CYBRD1: variants seen among roughly 807,000 people sequenced by gnomAD.
CYBRD1 encodes the protein cytochrome b reductase 1, also known as plasma membrane ascorbate-dependent reductase CYBRD1.
CYBRD1 carries 14 observed loss-of-function variants against 21.9 expected under a neutral mutation model. That is an observed-to-expected ratio of 0.64 (90% confidence interval 0.42 to 1.00). CYBRD1 has a LOEUF of 1.00. CYBRD1 is among the 50% of genes least tolerant of loss of function. CYBRD1 has a pLI of 0.00. For synonymous variants in CYBRD1, 146 were observed against 136.5 expected, an observed-to-expected ratio of 1.07 and a Z score of -0.48; for missense variants, 328 against 352.5, an observed-to-expected ratio of 0.93 and a Z score of 0.56.
chr2:171,539,039 C>G (rs1162634938), intron 1 of CYBRD1, among the ~76,000 whole-genome samples: 2 of 152,098 alleles, frequency 1.3e-5, no homozygotes, highest in Non-Finnish European at 2.9e-5. Flanking sequence ...CTCAGGTGAT[C>G]CACCTGCCTT....
chr2:171,555,757 AC>A lies in CYBRD1; in HGVS notation c.*931del, dbSNP rs2105349602. On this transcript the variant is annotated 3_prime_UTR_variant, in exon 4 of 4. Transcript: ENST00000321348. ...CAGACGGGATGAAGTAGGTATTGTT[AC>A]TGTTCCCATTTTACAGGTGAGAGAT... The A allele has an allele frequency of 6.6e-6, 1 of 152,368 alleles. No individual in the cohort carries two copies. Among genetic ancestry groups the A allele is most frequent in the Admixed American group, 6.5e-5 (1 of 15,296 alleles). The allele number at this position is 152,368 out of a possible 1,614,324, so 9.4% of individuals were successfully genotyped here.
At chr2:171,553,073 G>A (rs1683405101) in intron 2 of CYBRD1, among the ~76,000 whole-genome samples, 1 of 152,082 alleles carries the variant, frequency 6.6e-6, no homozygotes, top group African/African-American at 2.4e-5. Context: ...TAAATGTATA[G>A]GTATGAAAAA....
intron 1 of CYBRD1, among the ~76,000 whole-genome samples, chr2:171,527,946 C>T (rs1269915260): frequency 6.6e-6 from 1 of 152,094 alleles, no homozygotes; most frequent in African/African-American, 2.4e-5. Context: ...ATCTCCTGCT[C>T]CACCAAAATT....
At chr2:171,532,118 T>G (rs1003942300) in intron 1 of CYBRD1, among the ~76,000 whole-genome samples, 1 of 152,198 alleles carries the variant, frequency 6.6e-6, no homozygotes, top group South Asian at 2.1e-4. Flanking sequence ...TTTCAAGAAG[T>G]TTATTTAAAG....
intron 1 of CYBRD1, among the ~76,000 whole-genome samples, chr2:171,527,378 G>A (rs76383481): frequency 2.5e-3 from 377 of 152,292 alleles, no homozygotes; most frequent in African/African-American, 8.7e-3. Flanking sequence ...ACTGGCACAT[G>A]GTAGACGAGT....
chr2:171,525,971 AAG>A (rs1697380044), intron 1 of CYBRD1, among the ~76,000 whole-genome samples: 1 of 149,578 alleles, frequency 6.7e-6, no homozygotes, highest in Non-Finnish European at 1.5e-5. Context: ...AAAAAAAAAA[AAG>A]AAGTAGGCTC....
At chr2:171,525,543 C>T (rs565293617) in intron 1 of CYBRD1, among the ~76,000 whole-genome samples, 1 of 152,162 alleles carries the variant, frequency 6.6e-6, no homozygotes, top group South Asian at 2.1e-4. Context: ...GTTACAGACT[C>T]GCCATGTTAT....
At chr2:171,539,512 T>G (rs190218468) in intron 1 of CYBRD1, among the ~76,000 whole-genome samples, 1 of 152,106 alleles carries the variant, frequency 6.6e-6, no homozygotes, top group Non-Finnish European at 1.5e-5. Context: ...GCTGATATAG[T>G]GGAATCCATC....
chr2:171,554,526 G>A lies in CYBRD1; in HGVS notation c.560G>A (p.Arg187Lys). ...TGGATACATCTCTTATTTCATAGGA[G>A]AGATCCTGCATACAGTACATTCCCG... is the stretch of plus-strand genomic sequence containing the variant. ...GLTEKLIFSL[R>K]DPAYSTFPPE... is the part of the protein sequence containing the mutation. Residue 187 changes from arginine to lysine, a missense_variant and splice_region_variant, in exon 4 of 4, where the codon AGA (arginine) becomes AAA (lysine). Physicochemically the swap from Arg to Lys is conservative, Grantham distance 26 (BLOSUM62 2). Transcript: ENST00000321348. 1 of 1,613,824 alleles carries A rather than the reference G, an allele frequency of 6.2e-7. No homozygotes were observed. Among genetic ancestry groups the A allele is most frequent in the Admixed American group, 1.7e-5 (1 of 59,994 alleles).
At chr2:171,526,160 A>T (rs1454909020) in intron 1 of CYBRD1, among the ~76,000 whole-genome samples, 1 of 151,498 alleles carries the variant, frequency 6.6e-6, no homozygotes, top group Non-Finnish European at 1.5e-5. Context: ...CCAGGTACTC[A>T]GGAGTCTGAG....
upstream of CYBRD1, chr2:171,522,449 G>A (rs527327294): frequency 7.8e-6 from 12 of 1,533,368 alleles, no homozygotes; most frequent in Admixed American, 2.0e-5. This position sits in a 1 kb window ranked among gnomAD's most constrained non-coding sequence, Gnocchi z 4.3. Context: ...GCCCCAAGAA[G>A]TCGACGCCCC....
At chr2:171,548,444 G>A (rs1697749639) in intron 2 of CYBRD1, among the ~76,000 whole-genome samples, 1 of 152,114 alleles carries the variant, frequency 6.6e-6, no homozygotes, top group African/African-American at 2.4e-5. Context: ...ATAAATGTGA[G>A]TTCTTTAACA....
Position 171,522,834 on chromosome 2 carries a change from T to G in CYBRD1, c.193+96T>G. 6.4e-7 allele frequency: 1 copy of G among 1,565,708 alleles called. No individual in the cohort carries two copies. ...AAGCCCCTTCCAGCTGAGGAAGTGC[T>G]GGAGGATCGCGGGGCCCGGAGGAGT... On this transcript the variant is annotated intron_variant, in intron 1 of 3. Transcript: ENST00000321348. The surrounding 1 kb of genome is among the most constrained non-coding windows in gnomAD (Gnocchi z 4.3).
Position 171,557,159 on chromosome 2 carries a change from C to A in CYBRD1, c.*2332C>A, listed in dbSNP as rs544699685. On this transcript the variant is annotated 3_prime_UTR_variant, in exon 4 of 4. Coordinates refer to ENST00000321348, the MANE Select transcript of CYBRD1 (RefSeq NM_024843.4). Reference sequence around the variant, plus strand: ...CGTATATAAAATATATCTAGAAAACCTTTGTTTGAGACTCTTATTTAATGG... The same window carrying A: ...CGTATATAAAATATATCTAGAAAACATTTGTTTGAGACTCTTATTTAATGG... 3.9e-5 allele frequency: 6 copies of A among 152,364 alleles called. No homozygotes were observed. The highest frequency in any genetic ancestry group is 1.4e-4 in the African/African-American group (6 of 41,460). The allele number at this position is 152,364 out of a possible 1,614,324, so 9.4% of individuals were successfully genotyped here.
chr2:171,538,159 A>T (rs1051821800), intron 1 of CYBRD1, among the ~76,000 whole-genome samples: 3 of 152,176 alleles, frequency 2.0e-5, no homozygotes, highest in Admixed American at 2.0e-4. Flanking sequence ...GCTACTCAGG[A>T]GGCTGAGGCA....
intron 1 of CYBRD1, among the ~76,000 whole-genome samples, chr2:171,525,026 C>T (rs1446854226): frequency 1.3e-5 from 2 of 152,196 alleles, no homozygotes; most frequent in Non-Finnish European, 2.9e-5. Flanking sequence ...CAACCTCCAC[C>T]TCCCAGGTTC....
At chr2:171,537,002 G>C (rs1399647920) in intron 1 of CYBRD1, among the ~76,000 whole-genome samples, 1 of 152,104 alleles carries the variant, frequency 6.6e-6, no homozygotes, top group Non-Finnish European at 1.5e-5. Flanking sequence ...GAATTGAGGA[G>C]GGACAAACTA....
intron 1 of CYBRD1, among the ~76,000 whole-genome samples, chr2:171,534,889 C>T (rs921708434): frequency 6.6e-6 from 1 of 152,094 alleles, no homozygotes; most frequent in Admixed American, 6.6e-5. Flanking sequence ...ATTTTATAAG[C>T]TGTTAGCTGG....
Position 171,557,222 on chromosome 2 carries a change from A to C in CYBRD1, c.*2395A>C, listed in dbSNP as rs955733463. ...AATGATAATTGTACCTTTATCTTTC[A>C]AAAGCTGATATTTCCTACCTAAGCA... On this transcript the variant is annotated 3_prime_UTR_variant, in exon 4 of 4. Coordinates refer to ENST00000321348, the MANE Select transcript of CYBRD1 (RefSeq NM_024843.4). 1 of 152,292 alleles carries C rather than the reference A, an allele frequency of 6.6e-6. No individual in the cohort carries two copies. Among genetic ancestry groups the C allele is most frequent in the Non-Finnish European group, 1.5e-5 (1 of 68,028 alleles). 9.4% of individuals were successfully genotyped at this position (152,292 alleles called of 1,614,324 possible).
Sources: allele counts gnomAD v4.1 joint callset (sites outside exome capture counted in the v4.1 genomes callset), GRCh38; gene constraint gnomAD v4.1.1; non-coding constraint Gnocchi (gnomAD v3.1); transcripts MANE v1.5; gene names NCBI Gene and HGNC (gene_info 2026-07-23, HGNC 2026-07-21).